Variants in PRMT5 observed in about 807,000 individuals in gnomAD.
PRMT5 encodes the protein protein arginine N-methyltransferase 5.
Under a neutral mutation model 84.0 loss-of-function variants are expected in PRMT5, and 15 were observed. That is an observed-to-expected ratio of 0.18 (90% CI 0.12 to 0.28). The LOEUF (loss-of-function observed/expected upper bound fraction) is 0.28, where lower values mean the gene tolerates loss of function less well. Ranked by LOEUF, PRMT5 falls within the 10% of genes least tolerant of loss-of-function variation. The pLI, the probability that PRMT5 is intolerant of heterozygous loss-of-function variation, is 1.00. For missense variants in PRMT5, 486 were observed against 808.0 expected (o/e 0.60, Z 4.83); for synonymous variants, 276 against 292.4 (o/e 0.94, Z 0.57).
Position 22,927,583 on chromosome 14 carries a change from GT to G in PRMT5, c.392del (p.Asn131ThrfsTer8). The G allele has an allele frequency of 6.2e-7, 1 of 1,613,982 alleles. No homozygotes were observed. The highest frequency in any genetic ancestry group is 8.5e-7 in the Non-Finnish European group (1 of 1,179,990). The stretch of plus-strand genomic sequence containing the variant: ...TGGTCAAAACTCTGGCCAGGTTGGT[GT>G]TATCTTCCTGATTAAGGGGCAGCAG... ...AFLLPLNQED[N>X]TNLARVLTNH... is the part of the protein sequence containing the mutation. On this transcript the variant is annotated frameshift_variant, in exon 4 of 17. Coordinates refer to ENST00000324366, the MANE Select transcript of PRMT5 (RefSeq NM_006109.5). LOFTEE classifies it high-confidence loss of function.
chr14:22,924,582 C>G lies in PRMT5; in HGVS notation c.1018-45G>C, dbSNP rs1200389912. The stretch of plus-strand genomic sequence containing the variant: ...TCCCATGGTTGTAATCCCATCCTCC[C>G]CAGGTCATGCTGGCCCTGTGCTTTC... On this transcript the variant is annotated intron_variant, in intron 9 of 16. Coordinates refer to ENST00000324366, the MANE Select transcript of PRMT5 (RefSeq NM_006109.5). The surrounding 1 kb of genome is among the most constrained non-coding windows in gnomAD (Gnocchi z 6.5). The G allele has an allele frequency of 6.2e-7, 1 of 1,612,774 alleles. No individual in the cohort carries two copies. Among genetic ancestry groups the G allele is most frequent in the Non-Finnish European group, 8.5e-7 (1 of 1,178,772 alleles).
intron 7 of PRMT5, among the ~76,000 whole-genome samples, chr14:22,925,365 C>A (rs1389864582): frequency 2.6e-5 from 4 of 151,712 alleles, no homozygotes; most frequent in Admixed American, 2.0e-4. Flanking sequence ...CCATGTTGGA[C>A]AGGCTGGTCT....
At position 22,920,581 on chromosome 14, in the gene PRMT5, A is replaced by C. The variant is rs2044245260; in HGVS notation, c.*323T>G. 1.9e-6 allele frequency: 1 copy of C among 540,004 alleles called. No homozygotes were observed. The highest frequency in any genetic ancestry group is 4.6e-5 in the East Asian group (1 of 21,556). The allele number at this position is 540,004 out of a possible 1,614,324, so 33.5% of individuals were successfully genotyped here. A position where few individuals can be genotyped will look rare whatever the true frequency, so the allele number is the denominator to read the frequency against. On this transcript the variant is annotated 3_prime_UTR_variant, in exon 17 of 17. Transcript: ENST00000324366. The stretch of plus-strand genomic sequence containing the variant: ...TATTTCCTCTTACACAAAACCATCA[A>C]AACAAGAACAGAAAAAGGCTGAAAA...
In PRMT5 at chr14:22,928,488, G is replaced by T. The variant is rs773009952; in HGVS notation, c.229+9C>A. 1.9e-6 allele frequency: 3 copies of T among 1,586,450 alleles called. No individual in the cohort carries two copies. In the South Asian group the frequency reaches 3.3e-5, roughly 18 times the overall value. On this transcript the variant is annotated intron_variant, in intron 2 of 16. Coordinates refer to ENST00000324366, the MANE Select transcript of PRMT5 (RefSeq NM_006109.5). The surrounding 1 kb of genome is among the most constrained non-coding windows in gnomAD (Gnocchi z 4.8). ...CTAATAATTAAGGGGCATATGGGAT[G>T]GTCCCTACCCCTTCCTGACAGCAGT...
intron 14 of PRMT5, 77 bp downstream of exon 14, chr14:22,922,665 G>A: frequency 6.6e-7 from 1 of 1,521,856 alleles, no homozygotes; most frequent in Non-Finnish European, 9.1e-7. Context: ...GCAGACTAGG[G>A]ACAGTAAGGG....
At position 22,928,488 on chromosome 14, in the gene PRMT5, G is replaced by GGTCC. The variant is rs779958017; in HGVS notation, c.229+5_229+8dup. 1 of 1,586,450 alleles carries GGTCC rather than the reference G, an allele frequency of 6.3e-7. No homozygotes were observed. Among genetic ancestry groups the GGTCC allele is most frequent in the South Asian group, 1.1e-5 (1 of 90,550 alleles). On this transcript the variant is annotated intron_variant, in intron 2 of 16. Coordinates refer to ENST00000324366, the MANE Select transcript of PRMT5 (RefSeq NM_006109.5). This position sits in a 1 kb window ranked among gnomAD's most constrained non-coding sequence, Gnocchi z 4.8. ...CTAATAATTAAGGGGCATATGGGAT[G>GGTCC]GTCCCTACCCCTTCCTGACAGCAGT... is the stretch of plus-strand genomic sequence containing the variant.
rs755339115 is a variant in PRMT5 at position 22,924,586 on chromosome 14, G to A, written c.1017+46C>T. On this transcript the variant is annotated intron_variant, in intron 9 of 16. Transcript: ENST00000324366. This position sits in a 1 kb window ranked among gnomAD's most constrained non-coding sequence, Gnocchi z 6.5. Reference sequence around the variant, plus strand: ...ATGGTTGTAATCCCATCCTCCCCAGGTCATGCTGGCCCTGTGCTTTCCTCA... The same window carrying A: ...ATGGTTGTAATCCCATCCTCCCCAGATCATGCTGGCCCTGTGCTTTCCTCA... 2.9e-5 allele frequency: 46 copies of A among 1,612,396 alleles called. No individual in the cohort carries two copies. In the South Asian group the frequency reaches 4.8e-4, roughly 17 times the overall value.
chr14:22,924,550 G>C lies in PRMT5; in HGVS notation c.1018-13C>G, dbSNP rs545236266. On this transcript the variant is annotated splice_polypyrimidine_tract_variant and intron_variant, in intron 9 of 16. Coordinates refer to ENST00000324366, the MANE Select transcript of PRMT5 (RefSeq NM_006109.5). This position sits in a 1 kb window ranked among gnomAD's most constrained non-coding sequence, Gnocchi z 6.5. ...ATTTATAGATGGCCTGGAGGGAGGAGAGAATATCCCATGGTTGTAATCCCA... is the reference window on the plus strand; with the variant it reads ...ATTTATAGATGGCCTGGAGGGAGGACAGAATATCCCATGGTTGTAATCCCA... 1.2e-6 allele frequency: 2 copies of C among 1,613,760 alleles called. No individual in the cohort carries two copies. Among genetic ancestry groups the C allele is most frequent in the East Asian group, 2.2e-5 (1 of 44,868 alleles).
rs1233811231 is a variant in PRMT5, at chr14:22,923,015, G to A, written c.1485+36C>T. 1.3e-6 allele frequency: 2 copies of A among 1,514,314 alleles called. No individual in the cohort carries two copies. The highest frequency in any genetic ancestry group is 2.8e-5 in the African/African-American group (2 of 72,534). The allele number at this position is 1,514,314 out of a possible 1,614,324, so 93.8% of individuals were successfully genotyped here. ...AATACAGAAAAAGAAGAGGACTAAA[G>A]AGTACCACTTCTTTCCAGAGAGAGT... On this transcript the variant is annotated intron_variant, in intron 13 of 16. Transcript: ENST00000324366. The surrounding 1 kb of genome is among the most constrained non-coding windows in gnomAD (Gnocchi z 5.2).
At chr14:22,927,150 A>G (rs1871168555) in intron 4 of PRMT5, among the ~76,000 whole-genome samples, 1 of 149,680 alleles carries the variant, frequency 6.7e-6, no homozygotes, top group Non-Finnish European at 1.5e-5. Context: ...CAGTGGTGCA[A>G]TCTCAGCTAA....
chr14:22,922,736 A>C lies in PRMT5; in HGVS notation c.1579+6T>G, dbSNP rs188958781. 1,136 of 1,613,488 alleles carry C rather than the reference A, an allele frequency of 7.0e-4. 1 individual carries two copies. The highest frequency in any genetic ancestry group is 7.9e-4 in the Non-Finnish European group (937 of 1,179,518). ...CTAGTCAGAGGACAGCCATAAAAGAACCTACCTCTGTTGGGATGGCTGAAG... is the reference window on the plus strand; with the variant it reads ...CTAGTCAGAGGACAGCCATAAAAGACCCTACCTCTGTTGGGATGGCTGAAG... On this transcript the variant is annotated splice_donor_region_variant and intron_variant, in intron 14 of 16. Transcript: ENST00000324366.
rs559001227 is a variant in PRMT5, at chr14:22,923,221, TGAAGGATCA to T, written c.1376-70_1376-62del. The T allele has an allele frequency of 1.1e-3, 1,466 of 1,303,086 alleles. 12 individuals carry two copies. In the African/African-American group the frequency reaches 0.019, roughly 17 times the overall value. 80.7% of individuals were successfully genotyped at this position (1,303,086 alleles called of 1,614,324 possible). On this transcript the variant is annotated intron_variant, in intron 12 of 16. Transcript: ENST00000324366. This position sits in a 1 kb window ranked among gnomAD's most constrained non-coding sequence, Gnocchi z 5.2. ...AGGGAAATGGTATGTCTGTACTAAC[TGAAGGATCA>T]GAAGGATCAAACCTCCCATGTCAAA...
chr14:22,928,529 T>C lies in PRMT5; in HGVS notation c.197A>G (p.Gln66Arg). ...TGACAGCAGTAGGTCTGATCGTGTC[T>C]GGGGACCGGGCCGATTCTTAGCAGG... ...QEPAKNRPGP[Q>R]TRSDLLLSGR... Residue 66 changes from glutamine to arginine, a missense_variant, in exon 2 of 17, where the codon CAG becomes CGG. By Grantham distance (43) the Gln-to-Arg change is conservative (BLOSUM62 1). This residue lies in a region of PRMT5 where 215 missense variants were observed against 301.1 expected (regional missense o/e 0.71). Coordinates refer to ENST00000324366, the MANE Select transcript of PRMT5 (RefSeq NM_006109.5). The surrounding 1 kb of genome is among the most constrained non-coding windows in gnomAD (Gnocchi z 4.8). 1 of 1,613,894 alleles carries C rather than the reference T, an allele frequency of 6.2e-7. No homozygotes were observed. The highest frequency in any genetic ancestry group is 8.5e-7 in the Non-Finnish European group (1 of 1,179,784).
At position 22,923,199 on chromosome 14, in the gene PRMT5, G is replaced by A; in HGVS notation, c.1376-39C>T. ...GAGTCAAATTAGTTCCAGAGGGAGG[G>A]AAATGGTATGTCTGTACTAACTGAA... On this transcript the variant is annotated intron_variant, in intron 12 of 16. Transcript: ENST00000324366. The surrounding 1 kb of genome is among the most constrained non-coding windows in gnomAD (Gnocchi z 5.2). 6.9e-7 allele frequency: 1 copy of A among 1,459,034 alleles called. No individual in the cohort carries two copies. Among genetic ancestry groups the A allele is most frequent in the Non-Finnish European group, 9.5e-7 (1 of 1,056,570 alleles). 90.4% of individuals were successfully genotyped at this position (1,459,034 alleles called of 1,614,324 possible).
intron 6 of PRMT5, 70 bp downstream of exon 6, chr14:22,926,436 T>G (rs2044420634): frequency 6.3e-7 from 1 of 1,598,196 alleles, no homozygotes; most frequent in Non-Finnish European, 8.6e-7. Flanking sequence ...ATACTATATA[T>G]GAAATTCCTG....
At chr14:22,926,449 T>G in intron 6 of PRMT5, 57 bp downstream of exon 6, 16 of 1,602,522 alleles carry the variant, frequency 1.0e-5, no homozygotes, top group Non-Finnish European at 1.3e-5. Flanking sequence ...AATTCCTGAT[T>G]CTTATTCACA....
chr14:22,922,344 G>C, intron 15 of PRMT5, 99 bp downstream of exon 15: 1 of 1,404,918 alleles, frequency 7.1e-7, no homozygotes, highest in Non-Finnish European at 1.0e-6. Flanking sequence ...TCCATTCATT[G>C]AGCACTGGGC....
chr14:22,929,020 T>C, intron 1 of PRMT5: 1 of 1,025,166 alleles, frequency 9.8e-7, no homozygotes, highest in Non-Finnish European at 1.4e-6. Context: ...CAGGGCCCTT[T>C]AGAGTTTACC....
In PRMT5 at chr14:22,927,544, A is replaced by AGT. The variant is rs1566635970; in HGVS notation, c.430_431dup (p.Gly145LeufsTer20). The AGT allele has an allele frequency of 1.2e-6, 2 of 1,614,088 alleles. No homozygotes were observed. The highest frequency in any genetic ancestry group is 1.7e-6 in the Non-Finnish European group (2 of 1,179,990). ...GCTATACCATGGAAGAGTGATGGCC[A>AGT]GTGTGGATGTGGTTGGTCAAAACTC... On this transcript the variant is annotated frameshift_variant, in exon 4 of 17. Coordinates refer to ENST00000324366, the MANE Select transcript of PRMT5 (RefSeq NM_006109.5). LOFTEE classifies it high-confidence loss of function.
Sources: gnomAD v4.1 joint callset for allele counts (sites outside exome capture counted in the v4.1 genomes callset) on GRCh38, gnomAD v4.1.1 for gene constraint, gnomAD v4.1.1 regional missense constraint, Gnocchi (gnomAD v3.1) non-coding constraint, MANE v1.5 for transcripts, NCBI Gene and HGNC (gene_info 2026-07-23, HGNC 2026-07-21) for gene names.